The following TDRD9 variants were observed in gnomAD, a reference collection of about 807,000 sequenced individuals.
TDRD9 encodes ATP-dependent RNA helicase TDRD9.
TDRD9 carries 124 observed loss-of-function variants against 172.6 expected under a neutral mutation model. The observed-to-expected ratio is 0.72, with a 90% CI of 0.62 to 0.83. The LOEUF is 0.83. Ranked by LOEUF, TDRD9 falls within the 40% of genes least tolerant of loss-of-function variation. The pLI is 0.00. For missense variants in TDRD9, 1,479 were observed against 1,714.1 expected (o/e 0.86, Z 2.42); for synonymous variants, 619 against 617.1 (o/e 1.00, Z -0.05).
intron 20 of TDRD9, among the ~76,000 whole-genome samples, chr14:104,010,499 G>A (rs1158837226): frequency 6.6e-6 from 1 of 151,248 alleles, no homozygotes; most frequent in Non-Finnish European, 1.5e-5. Context: ...CAGTATAATA[G>A]TGCCTTCTCC....
At chr14:103,938,388 GT>G in intron 1 of TDRD9, among the ~76,000 whole-genome samples, 1 of 3,488 alleles carries the variant, frequency 2.9e-4, no homozygotes, top group African/African-American at 3.6e-4. Flanking sequence ...ATATATGTGT[GT>G]GTGTGTGTGT....
chr14:103,960,768 T>C (rs1013404807), intron 2 of TDRD9, among the ~76,000 whole-genome samples: 1 of 152,244 alleles, frequency 6.6e-6, no homozygotes, highest in Non-Finnish European at 1.5e-5. Context: ...CCGTTAGGAC[T>C]TCTGGCATTT....
intron 5 of TDRD9, among the ~76,000 whole-genome samples, chr14:103,967,543 A>G (rs140657146): frequency 1.1e-3 from 166 of 152,054 alleles, no homozygotes; most frequent in African/African-American, 3.9e-3. Flanking sequence ...AATAACAACC[A>G]AAAGGATAAA....
intron 8 of TDRD9, among the ~76,000 whole-genome samples, 157 bp from the exon 9 acceptor site, chr14:103,991,003 T>C (rs2033842374): frequency 6.6e-6 from 1 of 152,214 alleles, no homozygotes; most frequent in Non-Finnish European, 1.5e-5. Context: ...TTTCTCATCT[T>C]TTTGGGCTTC....
intron 25 of TDRD9, 47 bp downstream of exon 25, chr14:104,024,727 A>G (rs747409835): frequency 8.6e-6 from 9 of 1,043,824 alleles, no homozygotes; most frequent in Middle Eastern, 2.0e-4. Context: ...ATCTAAAATC[A>G]TCATGTTGTA....
At position 104,026,088 on chromosome 14, in the gene TDRD9, A is replaced by G. The variant is rs761830060; in HGVS notation, c.2973A>G (p.Leu991=). The change falls in exon 27 of 36, where the codon CTA becomes CTG. Residue 991 remains leucine (L), a synonymous_variant. Transcript: ENST00000409874. ...ATGGCAATAAGTCTCATGTAGATCTACATCTTTTGATGGAGATTCCCTGTC... is the reference window on the plus strand; with the variant it reads ...ATGGCAATAAGTCTCATGTAGATCTGCATCTTTTGATGGAGATTCCCTGTC... ...VDYGNKSHVD[L]HLLMEIPCQF... 9 of 1,611,286 alleles carry G rather than the reference A, an allele frequency of 5.6e-6. No individual in the cohort carries two copies. In the East Asian group the frequency reaches 6.7e-5, roughly 12 times the overall value.
At chr14:104,008,753 T>C (rs1263036087) in intron 20 of TDRD9, among the ~76,000 whole-genome samples, 1 of 152,126 alleles carries the variant, frequency 6.6e-6, no homozygotes, top group Non-Finnish European at 1.5e-5. Context: ...TTTCAGTATA[T>C]GTCAGGATAA....
intron 31 of TDRD9, among the ~76,000 whole-genome samples, chr14:104,034,649 A>G (rs1293620546): frequency 1.2e-4 from 18 of 152,224 alleles, no homozygotes; most frequent in Admixed American, 1.2e-3. Flanking sequence ...ACAGAGTAGA[A>G]TACATCCAAG....
intron 23 of TDRD9, 74 bp from the exon 24 acceptor site, chr14:104,022,083 T>C (rs148144457): frequency 2.1e-5 from 25 of 1,213,368 alleles, no homozygotes; most frequent in Non-Finnish European, 2.7e-5. Context: ...AATTTCTGTC[T>C]TGAGAGAAAT....
At chr14:104,008,353 C>G in intron 19 of TDRD9, 60 bp from the exon 20 acceptor site, 1 of 998,144 alleles carries the variant, frequency 1.0e-6, no homozygotes, top group Non-Finnish European at 1.6e-6. Context: ...ATTAAAGTAG[C>G]TAAATTCAGC....
Position 104,014,817 on chromosome 14 carries a change from A to G in TDRD9, c.2199A>G (p.Ile733Met), listed in dbSNP as rs910199728. The part of the protein sequence containing the change: ...SRRPVMDQEY[I>M]YKQRFILQVV... The stretch of plus-strand genomic sequence containing the variant: ...GACCTGTCATGGACCAAGAGTATAT[A>G]TATAAGCAGCGATTCATCCTACAGG... Residue 733 changes from isoleucine to methionine, a missense_variant, in exon 21 of 36, where the codon ATA (isoleucine) becomes ATG (methionine). Physicochemically the swap from Ile to Met is conservative, Grantham distance 10 (BLOSUM62 1). Transcript: ENST00000409874. The G allele has an allele frequency of 1.2e-6, 2 of 1,608,050 alleles. No homozygotes were observed. The highest frequency in any genetic ancestry group is 1.7e-6 in the Non-Finnish European group (2 of 1,176,108).
At position 103,971,959 on chromosome 14, in the gene TDRD9, C is replaced by A. The variant is rs563999367; in HGVS notation, c.846+1338C>A. ...TTGCTTGAGCCCAAGGAGATCAAGA[C>A]CAGCCTGGGCAACATGGTGAAACCC... On this transcript the variant is annotated intron_variant, in intron 6 of 35. Coordinates refer to ENST00000409874, the MANE Select transcript of TDRD9 (RefSeq NM_153046.3). Among the ~76,000 whole-genome samples, 350 of 152,154 alleles carry A rather than the reference C, an allele frequency of 2.3e-3. 1 individual carries two copies. Among genetic ancestry groups the A allele is most frequent in the Non-Finnish European group, 3.0e-3 (204 of 67,998 alleles).
At chr14:103,994,965 A>AG (rs1491089756) in intron 11 of TDRD9, among the ~76,000 whole-genome samples, 6 of 33,448 alleles carry the variant, frequency 1.8e-4, no homozygotes, top group Admixed American at 4.3e-4. Context: ...AAAAAAAAAA[A>AG]GAAAAAAAAA....
chr14:104,027,777 T>C (rs1596005584), intron 28 of TDRD9, among the ~76,000 whole-genome samples: 1 of 152,222 alleles, frequency 6.6e-6, no homozygotes, highest in Non-Finnish European at 1.5e-5. Context: ...CCCACAGTGC[T>C]GCAGAACGCA....
At chr14:104,017,666 G>T (rs1159782235) in intron 22 of TDRD9, among the ~76,000 whole-genome samples, 2 of 152,224 alleles carry the variant, frequency 1.3e-5, no homozygotes, top group Non-Finnish European at 2.9e-5. Context: ...ATTTGATCAT[G>T]TGCTATTTGG....
At chr14:104,026,157 G>A (rs754657761) in intron 27 of TDRD9, 21 bp downstream of exon 27, 1 of 1,466,408 alleles carries the variant, frequency 6.8e-7, no homozygotes, top group Admixed American at 1.7e-5. Context: ...GAAGACTCTA[G>A]GGAATGAATG....
chr14:104,005,117 C>T, intron 14 of TDRD9, 157 bp from the exon 15 acceptor site: 1 of 586,540 alleles, frequency 1.7e-6, no homozygotes, highest in Admixed American at 3.2e-5. Context: ...CTTCTTCTCT[C>T]TCCCTTCTCT....
At chr14:104,000,439 C>T (rs10148711) in intron 13 of TDRD9, among the ~76,000 whole-genome samples, 1 of 151,776 alleles carries the variant, frequency 6.6e-6, no homozygotes, top group African/African-American at 2.4e-5. Flanking sequence ...AAACACCTCA[C>T]TATGTTTAAC....
intron 32 of TDRD9, among the ~76,000 whole-genome samples, chr14:104,038,271 A>T (rs907352922): frequency 2.6e-5 from 4 of 152,158 alleles, no homozygotes; most frequent in Admixed American, 6.5e-5. Context: ...TAATATCTAC[A>T]CTTATATGTA....
Sources: gnomAD v4.1 joint callset for allele counts (sites outside exome capture counted in the v4.1 genomes callset) on GRCh38, gnomAD v4.1.1 for gene constraint, MANE v1.5 for transcripts, NCBI Gene and HGNC (gene_info 2026-07-23, HGNC 2026-07-21) for gene names.